MFSD1: variants seen among roughly 807,000 people sequenced by gnomAD.
The protein encoded by MFSD1 is major facilitator superfamily domain containing 1, also known as lysosomal dipeptide transporter MFSD1.
Under a neutral mutation model 67.1 loss-of-function variants are expected in MFSD1, and 59 were observed. The ratio of observed to expected loss-of-function variants is 0.88; its 90% CI spans 0.71 to 1.09. The LOEUF (loss-of-function observed/expected upper bound fraction) is 1.09. Among genes scored for constraint, MFSD1 ranks in the 50% least tolerant of loss-of-function variants. The pLI, the probability that MFSD1 is intolerant of heterozygous loss-of-function variation, is 0.00. For synonymous variants in MFSD1, 213 were observed against 200.3 expected (o/e 1.06, Z -0.54); for missense variants, 552 against 566.1 (o/e 0.97, Z 0.25).
intron 12 of MFSD1, 72 bp from the exon 13 acceptor site, chr3:158,824,052 T>C (rs1730827731): frequency 1.0e-6 from 1 of 991,116 alleles, no homozygotes; most frequent in African/African-American, 1.6e-5. Context: ...TACTAATATT[T>C]ATAGTGAAGT....
At chr3:158,803,464 A>G (rs1729561285) in intron 1 of MFSD1, among the ~76,000 whole-genome samples, 1 of 152,066 alleles carries the variant, frequency 6.6e-6, no homozygotes, top group South Asian at 2.1e-4. Flanking sequence ...CCACCACCAC[A>G]ACAAAGAAAG....
At chr3:158,810,956 A>G (rs1729976622) in intron 6 of MFSD1, among the ~76,000 whole-genome samples, 1 of 152,182 alleles carries the variant, frequency 6.6e-6, no homozygotes, top group Non-Finnish European at 1.5e-5. Context: ...TTGTCTAACA[A>G]CTTTTTAAAG....
intron 5 of MFSD1, chr3:158,808,974 A>G: frequency 2.2e-6 from 1 of 446,644 alleles, no homozygotes; most frequent in African/African-American, 2.0e-5. Context: ...CACCTTTTAT[A>G]ACTGAGCCTT....
At chr3:158,826,121 C>T in intron 14 of MFSD1, 59 bp downstream of exon 14, 1 of 1,420,160 alleles carries the variant, frequency 7.0e-7, no homozygotes, top group Non-Finnish European at 1.0e-6. Flanking sequence ...TGTGGGGTCT[C>T]TGGGTCTGCC....
intron 6 of MFSD1, among the ~76,000 whole-genome samples, chr3:158,811,854 G>T (rs1229945612): frequency 6.6e-6 from 1 of 152,162 alleles, no homozygotes; most frequent in Non-Finnish European, 1.5e-5. Flanking sequence ...AGACCTACTG[G>T]AAGCTTTCTC....
intron 7 of MFSD1, among the ~76,000 whole-genome samples, chr3:158,814,306 G>A (rs1028738033): frequency 3.9e-5 from 6 of 152,034 alleles, no homozygotes; most frequent in African/African-American, 1.2e-4. Context: ...CTTATTCCTT[G>A]TTGTCTACTT....
In MFSD1 at chr3:158,820,231, A is replaced by G. The variant is rs750084494; in HGVS notation, c.768A>G (p.Leu256=). ...TTCTCTAAGGTGAAGTTATTAAATT[A>G]ACTGATGTAAAGGACTTCTCCTTAC... is the stretch of plus-strand genomic sequence containing the variant. The part of the protein sequence containing the change: ...EQGKTGEVIK[L]TDVKDFSLPL... The change falls in exon 9 of 16, where the codon TTA becomes TTG. Residue 256 remains leucine (L), a synonymous_variant. Transcript: ENST00000415822. 2 of 1,598,770 alleles carry G rather than the reference A, an allele frequency of 1.3e-6. No homozygotes were observed. The highest frequency in any genetic ancestry group is 4.5e-5 in the East Asian group (2 of 44,694).
At chr3:158,821,962 G>A in intron 10 of MFSD1, 22 bp from the exon 11 acceptor site, 1 of 1,602,694 alleles carries the variant, frequency 6.2e-7, no homozygotes, top group Non-Finnish European at 8.5e-7. Flanking sequence ...TTCATGAAAT[G>A]TCTTATGTGT....
chr3:158,819,488 C>G (rs1730553881), intron 7 of MFSD1, 161 bp from the exon 8 acceptor site: 1 of 491,116 alleles, frequency 2.0e-6, no homozygotes, highest in African/African-American at 2.0e-5. Context: ...TACTCTTCCT[C>G]TTTTGTCCCG....
intron 9 of MFSD1, 66 bp from the exon 10 acceptor site, chr3:158,821,531 A>G (rs1384601497): frequency 9.5e-7 from 1 of 1,050,376 alleles, no homozygotes; most frequent in Non-Finnish European, 1.4e-6. Flanking sequence ...TTTTTATTCA[A>G]CTTTATTTTT....
chr3:158,811,866 A>G (rs1379864834), intron 6 of MFSD1, among the ~76,000 whole-genome samples: 1 of 152,240 alleles, frequency 6.6e-6, no homozygotes, highest in Non-Finnish European at 1.5e-5. Flanking sequence ...AGCTTTCTCT[A>G]ATACCATCAA....
At chr3:158,823,973 A>G (rs903046213) in intron 12 of MFSD1, 151 bp from the exon 13 acceptor site, 4 of 689,444 alleles carry the variant, frequency 5.8e-6, no homozygotes, top group African/African-American at 3.6e-5. Context: ...ATAAAAACCA[A>G]TCCAAAATCT....
intron 11 of MFSD1, 127 bp from the exon 12 acceptor site, chr3:158,823,301 A>G: frequency 1.4e-6 from 1 of 694,572 alleles, no homozygotes; most frequent in African/African-American, 1.8e-5. Flanking sequence ...ATTTTAGCCT[A>G]ATAACAACAA....
At chr3:158,828,862 G>T (rs954080550) in intron 15 of MFSD1, 117 bp from the exon 16 acceptor site, 3 of 904,452 alleles carry the variant, frequency 3.3e-6, no homozygotes, top group Non-Finnish European at 4.7e-6. Flanking sequence ...GAAAAAAAAT[G>T]TGTAGCTTAG....
At chr3:158,823,002 G>T (rs978510568) in intron 11 of MFSD1, 11 of 167,390 alleles carry the variant, frequency 6.6e-5, no homozygotes, top group African/African-American at 1.7e-4. Context: ...TGATTACTGG[G>T]TATTGGTGGC....
chr3:158,805,907 T>C (rs973112976), intron 3 of MFSD1, among the ~76,000 whole-genome samples: 1 of 152,180 alleles, frequency 6.6e-6, no homozygotes, highest in African/African-American at 2.4e-5. Flanking sequence ...ATTTGGCACA[T>C]AGGTAGTATG....
rs1432637716 is a variant in MFSD1, at chr3:158,825,999, G to A, written c.1289-16G>A. On this transcript the variant is annotated splice_polypyrimidine_tract_variant and intron_variant, in intron 13 of 15. Coordinates refer to ENST00000415822, the MANE Select transcript of MFSD1 (RefSeq NM_022736.4). ...GAAATACATATTTTAAGGGCCCTATGTTTTTTCACTCCTAGTGTCACTTTT... is the reference window on the plus strand; with the variant it reads ...GAAATACATATTTTAAGGGCCCTATATTTTTTCACTCCTAGTGTCACTTTT... 2 of 1,608,296 alleles carry A rather than the reference G, an allele frequency of 1.2e-6. No homozygotes were observed. Among genetic ancestry groups the A allele is most frequent in the South Asian group, 1.1e-5 (1 of 90,924 alleles).
At chr3:158,817,637 G>A (rs941090194) in intron 7 of MFSD1, among the ~76,000 whole-genome samples, 1 of 152,166 alleles carries the variant, frequency 6.6e-6, no homozygotes, top group African/African-American at 2.4e-5. Flanking sequence ...ATGCTCATGG[G>A]TAGGAAGAAT....
At chr3:158,815,532 ATG>A (rs1730280169) in intron 7 of MFSD1, among the ~76,000 whole-genome samples, 2 of 151,940 alleles carry the variant, frequency 1.3e-5, no homozygotes, top group Admixed American at 1.3e-4. Flanking sequence ...GCATATAAAA[ATG>A]TGTATTTAAA....
Sources: allele counts gnomAD v4.1 joint callset (sites outside exome capture counted in the v4.1 genomes callset), GRCh38; gene constraint gnomAD v4.1.1; transcripts MANE v1.5; gene names NCBI Gene and HGNC (gene_info 2026-07-23, HGNC 2026-07-21).